The following CFAP54 variants were observed in gnomAD, a reference collection of about 807,000 sequenced individuals.
CFAP54 encodes cilia- and flagella-associated protein 54.
In CFAP54, 290 loss-of-function variants were observed where a neutral mutation model predicts 370.4. That is an observed-to-expected ratio of 0.78 (90% CI 0.71 to 0.86). The LOEUF is 0.86. Among genes scored for constraint, CFAP54 ranks in the 40% least tolerant of loss-of-function variants. The probability of loss-of-function intolerance (pLI) is 0.00; values close to 1 mark genes in which losing one functional copy is unlikely to be tolerated. For synonymous variants in CFAP54, 1,206 were observed against 1,236.5 expected (o/e 0.98, Z 0.52); for missense variants, 3,399 against 3,528.7 (o/e 0.96, Z 0.93).
chr12:96,764,296 AT>A, intron 59 of CFAP54, 47 bp downstream of exon 59: 1 of 1,402,000 alleles, frequency 7.1e-7, no homozygotes, highest in South Asian at 1.2e-5. Flanking sequence ...TCATATCTGT[AT>A]TCTCTGCCTT....
At chr12:96,792,897 A>G (rs191484126) in intron 63 of CFAP54, among the ~76,000 whole-genome samples, 2 of 152,082 alleles carry the variant, frequency 1.3e-5, no homozygotes, top group African/African-American at 2.4e-5. Context: ...TTGATTTTAT[A>G]ATGTTAGATC....
At position 96,512,301 on chromosome 12, in the gene CFAP54, T is replaced by TTATATATA. The variant is rs1165045194; in HGVS notation, c.740-643_740-636dup. Among the ~76,000 whole-genome samples, 198 of 30,872 alleles carry TTATATATA rather than the reference T, an allele frequency of 6.4e-3. 3 individuals carry two copies. The highest frequency in any genetic ancestry group is 9.6e-3 in the East Asian group (7 of 728). 20.3% of individuals were successfully genotyped at this position (30,872 alleles called of 152,430 possible). ...GATAAGGAAACCATGGGAACCAATTTTATATATATATATATATATATATAT... is the reference window on the plus strand; with the variant it reads ...GATAAGGAAACCATGGGAACCAATTTTATATATATATATATATATATATATATATATAT... On this transcript the variant is annotated intron_variant, in intron 4 of 67. Coordinates refer to ENST00000524981, the MANE Select transcript of CFAP54 (RefSeq NM_001306084.2).
intron 2 of CFAP54, chr12:96,501,218 A>G (rs956672196): frequency 3.1e-5 from 8 of 259,044 alleles, no homozygotes; most frequent in African/African-American, 1.6e-4. Context: ...TGTGGTAGGC[A>G]CACAACAGGA....
chr12:96,563,265 A>G (rs766793368), intron 17 of CFAP54, among the ~76,000 whole-genome samples: 61 of 152,156 alleles, frequency 4.0e-4, no homozygotes, highest in Middle Eastern at 3.2e-3. Context: ...TCCTTGCAAT[A>G]TCTCTGGGTT....
intron 11 of CFAP54, among the ~76,000 whole-genome samples, chr12:96,535,055 T>C (rs1441294335): frequency 6.9e-6 from 1 of 145,592 alleles, no homozygotes; most frequent in Non-Finnish European, 1.5e-5. Flanking sequence ...TGTGTGTGTT[T>C]ATTTATTTAT....
At chr12:96,528,943 A>G (rs1955411919) in intron 9 of CFAP54, among the ~76,000 whole-genome samples, 1 of 152,184 alleles carries the variant, frequency 6.6e-6, no homozygotes, top group Non-Finnish European at 1.5e-5. Context: ...AGCTTTAGCT[A>G]TGTATCTGAA....
intron 63 of CFAP54, among the ~76,000 whole-genome samples, chr12:96,810,580 A>C (rs1958920318): frequency 6.6e-6 from 1 of 152,170 alleles, no homozygotes; most frequent in Non-Finnish European, 1.5e-5. Flanking sequence ...CAAGAGAATG[A>C]TTACCCAATT....
At chr12:96,771,971 AAAAG>A (rs1425308489) in intron 60 of CFAP54, among the ~76,000 whole-genome samples, 4 of 152,246 alleles carry the variant, frequency 2.6e-5, no homozygotes, top group African/African-American at 9.6e-5. Context: ...TTCAGTCAGA[AAAAG>A]AAAGTTTTCT....
intron 33 of CFAP54, among the ~76,000 whole-genome samples, chr12:96,647,472 CAAAAA>C (rs57089692): frequency 2.9e-4 from 12 of 40,756 alleles, no homozygotes; most frequent in Non-Finnish European, 2.5e-4. Flanking sequence ...GACTCTGTCC[CAAAAA>C]AAAAAAAAAA....
intron 64 of CFAP54, among the ~76,000 whole-genome samples, chr12:96,812,425 T>A (rs998559798): frequency 2.0e-5 from 3 of 152,180 alleles, no homozygotes; most frequent in Non-Finnish European, 4.4e-5. Context: ...GTTTCTCTCT[T>A]CCTGTTTCAC....
At chr12:96,860,193 T>C (rs368698195) in intron 66 of CFAP54, among the ~76,000 whole-genome samples, 19 of 151,356 alleles carry the variant, frequency 1.3e-4, no homozygotes, top group Non-Finnish European at 2.1e-4. Flanking sequence ...CTGTAACTCA[T>C]TGTGGTCATT....
intron 50 of CFAP54, among the ~76,000 whole-genome samples, chr12:96,724,978 A>C (rs1246298647): frequency 6.6e-6 from 1 of 152,146 alleles, no homozygotes; most frequent in Non-Finnish European, 1.5e-5. Flanking sequence ...CAAAGATCAG[A>C]TAGTTTTAGA....
intron 21 of CFAP54, 42 bp downstream of exon 21, chr12:96,580,731 A>T: frequency 7.7e-7 from 1 of 1,300,688 alleles, no homozygotes; most frequent in Non-Finnish European, 1.0e-6. Context: ...TGAAGCCTTT[A>T]ATGATAATTA....
chr12:96,773,890 C>G (rs79542955), intron 60 of CFAP54, among the ~76,000 whole-genome samples: 2,910 of 152,228 alleles, frequency 0.019, 36 homozygotes, highest in Non-Finnish European at 0.03. Context: ...ATGTCTAGAT[C>G]AAAGGGTGAT....
intron 42 of CFAP54, among the ~76,000 whole-genome samples, 195 bp downstream of exon 42, chr12:96,685,433 C>G (rs897500457): frequency 6.6e-6 from 1 of 152,200 alleles, no homozygotes; most frequent in Admixed American, 6.5e-5. Flanking sequence ...TCCTGTAACA[C>G]AACTCTTGCC....
intron 50 of CFAP54, among the ~76,000 whole-genome samples, chr12:96,737,916 A>G (rs1234503026): frequency 1.3e-5 from 2 of 152,184 alleles, no homozygotes; most frequent in African/African-American, 2.4e-5. Flanking sequence ...AATCTCAGTA[A>G]CGGATCCAAA....
intron 1 of CFAP54, among the ~76,000 whole-genome samples, chr12:96,491,515 A>C (rs1327379259): frequency 6.6e-6 from 1 of 152,190 alleles, no homozygotes; most frequent in African/African-American, 2.4e-5. Context: ...AGAAGGGAAG[A>C]GTCCAAGGAT....
chr12:96,806,360 G>A (rs1958883073), intron 63 of CFAP54, among the ~76,000 whole-genome samples: 1 of 150,974 alleles, frequency 6.6e-6, no homozygotes, highest in African/African-American at 2.4e-5. Context: ...AGCAAGCACG[G>A]CATTGAAGAG....
chr12:96,753,817 C>G lies in CFAP54; in HGVS notation c.7759C>G (p.Leu2587Val). The G allele has an allele frequency of 6.2e-7, 1 of 1,614,026 alleles. No homozygotes were observed. Among genetic ancestry groups the G allele is most frequent in the Non-Finnish European group, 8.5e-7 (1 of 1,179,938 alleles). The change falls in exon 56 of 68, where the codon CTG (leucine) becomes GTG (valine). Residue 2587 changes from leucine (L) to valine (V), a missense_variant. Leu to Val is a conservative substitution (Grantham distance 32). Coordinates refer to ENST00000524981, the MANE Select transcript of CFAP54 (RefSeq NM_001306084.2). ...CTCGAAGTGGTTACCTGCTCTTCAT[C>G]TGTTTGATGTGGCACTGAAGCTCTG... ...DPSKWLPALHLFDVALKLCRT... is the reference protein window; with the variant it reads ...DPSKWLPALHVFDVALKLCRT...
Sources: allele counts gnomAD v4.1 joint callset (sites outside exome capture counted in the v4.1 genomes callset), GRCh38; gene constraint gnomAD v4.1.1; transcripts MANE v1.5; gene names NCBI Gene and HGNC (gene_info 2026-07-23, HGNC 2026-07-21).